The following ASPH variants were observed in gnomAD, a reference collection of about 807,000 sequenced individuals.
ASPH encodes aspartate beta-hydroxylase, also known as aspartyl/asparaginyl beta-hydroxylase.
In ASPH, 100 loss-of-function variants were observed where a neutral mutation model predicts 118.4. That is an observed-to-expected ratio of 0.84 (90% CI 0.72 to 1.00). The LOEUF (loss-of-function observed/expected upper bound fraction) is 1.00, where lower values mean the gene tolerates loss of function less well. Ranked by LOEUF, ASPH falls within the 50% of genes least tolerant of loss-of-function variation. The probability of loss-of-function intolerance (pLI) is 0.00; values close to 1 mark genes in which losing one functional copy is unlikely to be tolerated. For missense variants in ASPH, 920 were observed against 919.5 expected (o/e 1.00, Z -0.01); for synonymous variants, 315 against 325.6 (o/e 0.97, Z 0.35).
chr8:61,703,867 C>T (rs1835848745), intron 1 of ASPH, among the ~76,000 whole-genome samples: 1 of 152,110 alleles, frequency 6.6e-6, no homozygotes, highest in African/African-American at 2.4e-5. Context: ...CTAGTTTTAA[C>T]ACTTACTGTA....
chr8:61,564,579 G>A (rs998932021), intron 17 of ASPH, among the ~76,000 whole-genome samples: 2 of 152,142 alleles, frequency 1.3e-5, no homozygotes, highest in African/African-American at 4.8e-5. Flanking sequence ...GATTACAGGC[G>A]TGAGCCACTG....
At chr8:61,613,270 T>C (rs189210180) in intron 14 of ASPH, among the ~76,000 whole-genome samples, 1 of 152,324 alleles carries the variant, frequency 6.6e-6, no homozygotes, top group East Asian at 1.9e-4. Context: ...TAAGAAAAAG[T>C]CTTATCTCCT....
intron 14 of ASPH, among the ~76,000 whole-genome samples, chr8:61,608,472 C>T (rs532102926): frequency 3.5e-4 from 53 of 152,246 alleles, no homozygotes; most frequent in African/African-American, 1.1e-3. Flanking sequence ...ATTTGTGGCT[C>T]ATATGGTTAT....
chr8:61,637,073 C>CAGTA lies in ASPH; in HGVS notation c.889+870_889+873dup, dbSNP rs527580390. On this transcript the variant is annotated intron_variant, in intron 12 of 24. Coordinates refer to ENST00000379454, the MANE Select transcript of ASPH (RefSeq NM_004318.4). Reference sequence around the variant, plus strand: ...CTTTCTGCCTAACCAAGCTCAAAAGCAGTAACATTTAATCTGAAAGGTGAC... The same window carrying CAGTA: ...CTTTCTGCCTAACCAAGCTCAAAAGCAGTAAGTAACATTTAATCTGAAAGGTGAC... 3.2e-3 allele frequency among the ~76,000 whole-genome samples: 485 copies of CAGTA among 152,246 alleles called. 7 individuals carry two copies. Among genetic ancestry groups the CAGTA allele is most frequent in the African/African-American group, 0.011 (450 of 41,538 alleles).
intron 24 of ASPH, among the ~76,000 whole-genome samples, chr8:61,507,987 C>T (rs1007700234): frequency 6.6e-6 from 1 of 152,030 alleles, no homozygotes; most frequent in South Asian, 2.1e-4. Flanking sequence ...TCCTCCTTCC[C>T]TTCCTCTCTC....
intron 18 of ASPH, among the ~76,000 whole-genome samples, chr8:61,556,838 C>A (rs947472849): frequency 1.3e-5 from 2 of 151,872 alleles, no homozygotes; most frequent in Non-Finnish European, 2.9e-5. Context: ...TCTCTCCATC[C>A]TTGAGACTGA....
intron 21 of ASPH, among the ~76,000 whole-genome samples, chr8:61,540,505 T>C (rs916161546): frequency 2.0e-5 from 3 of 152,166 alleles, no homozygotes; most frequent in African/African-American, 7.2e-5. Flanking sequence ...ATGCTTCCTA[T>C]ACAGCCTGCA....
At position 61,668,251 on chromosome 8, in the gene ASPH, C is replaced by T. The variant is rs532940721; in HGVS notation, c.322+12717G>A. The T allele has an allele frequency of 1.7e-4, 273 of 1,608,342 alleles. 1 individual carries two copies. The highest frequency in any genetic ancestry group is 2.0e-4 in the Non-Finnish European group (239 of 1,176,420). ...GAAAATACCTTTAGCCTTAGTTTTT[C>T]TCTTGGCTACCCCACTGGGTCCTTC... is the stretch of plus-strand genomic sequence containing the variant. On this transcript the variant is annotated intron_variant, in intron 3 of 24. Transcript: ENST00000379454.
chr8:61,553,302 G>A (rs1249382109), intron 19 of ASPH, among the ~76,000 whole-genome samples, 182 bp from the exon 20 acceptor site: 1 of 152,190 alleles, frequency 6.6e-6, no homozygotes, highest in Admixed American at 6.5e-5. Flanking sequence ...ACAAAAGGAG[G>A]TCATAAAGCT....
intron 1 of ASPH, among the ~76,000 whole-genome samples, chr8:61,688,371 T>A (rs140002748): frequency 6.6e-6 from 1 of 152,090 alleles, no homozygotes; most frequent in African/African-American, 2.4e-5. Flanking sequence ...CAGAAAATGT[T>A]CCCACATACC....
At chr8:61,518,198 G>A (rs1394426877) in intron 22 of ASPH, 75 bp from the exon 23 acceptor site, 2 of 1,290,020 alleles carry the variant, frequency 1.6e-6, no homozygotes, top group Non-Finnish European at 2.2e-6. Flanking sequence ...TGAGGTGAGA[G>A]CTATATGTCA....
chr8:61,523,610 C>T (rs1047492587), intron 22 of ASPH, among the ~76,000 whole-genome samples: 13 of 152,070 alleles, frequency 8.5e-5, no homozygotes, highest in African/African-American at 2.9e-4. Context: ...AGCCACCACA[C>T]CGAGCCCCAA....
intron 21 of ASPH, among the ~76,000 whole-genome samples, chr8:61,535,435 A>G (rs1424022430): frequency 6.6e-6 from 1 of 152,240 alleles, no homozygotes; most frequent in Non-Finnish European, 1.5e-5. Flanking sequence ...TTAGGTTAGT[A>G]ACTGTTTGTG....
chr8:61,565,748 G>A (rs1449249696), intron 17 of ASPH, among the ~76,000 whole-genome samples: 2 of 152,224 alleles, frequency 1.3e-5, no homozygotes, highest in Non-Finnish European at 2.9e-5. Context: ...GACTTTCATA[G>A]TGAGAGAGGA....
intron 3 of ASPH, among the ~76,000 whole-genome samples, chr8:61,672,217 T>C (rs1397220233): frequency 1.3e-5 from 2 of 151,962 alleles, no homozygotes; most frequent in Non-Finnish European, 2.9e-5. Flanking sequence ...TATTTTTAAA[T>C]AGATGTAATA....
intron 24 of ASPH, among the ~76,000 whole-genome samples, chr8:61,507,577 GAAC>G (rs1807106457): frequency 6.6e-6 from 1 of 152,092 alleles, no homozygotes; most frequent in Non-Finnish European, 1.5e-5. Context: ...GGAAAATGAA[GAAC>G]AATAAAACAT....
intron 14 of ASPH, among the ~76,000 whole-genome samples, chr8:61,616,941 T>C (rs1429820250): frequency 1.3e-5 from 2 of 152,198 alleles, no homozygotes; most frequent in Non-Finnish European, 2.9e-5. Context: ...ATTCCTGGCA[T>C]GTAGTTGGCA....
At chr8:61,597,753 A>C (rs185175119) in intron 14 of ASPH, among the ~76,000 whole-genome samples, 9 of 152,366 alleles carry the variant, frequency 5.9e-5, no homozygotes, top group Admixed American at 5.9e-4. Context: ...AAAGAAAAAA[A>C]ATTGCCAGCT....
intron 1 of ASPH, among the ~76,000 whole-genome samples, chr8:61,694,857 A>C (rs1011652744): frequency 3.9e-5 from 6 of 152,170 alleles, no homozygotes; most frequent in Non-Finnish European, 7.4e-5. Flanking sequence ...ACAATAAACC[A>C]TGGTCTTTCC....
Sources: gnomAD v4.1 joint callset for allele counts (sites outside exome capture counted in the v4.1 genomes callset) on GRCh38, gnomAD v4.1.1 for gene constraint, MANE v1.5 for transcripts, NCBI Gene and HGNC (gene_info 2026-07-23, HGNC 2026-07-21) for gene names.